GANC: variants seen among roughly 807,000 people sequenced by gnomAD.
The protein encoded by GANC is glucosidase alpha, neutral C.
In GANC, 117 loss-of-function variants were observed where a neutral mutation model predicts 124.2. The observed-to-expected ratio is 0.94, with a 90% CI of 0.81 to 1.10. The LOEUF (loss-of-function observed/expected upper bound fraction) is 1.10, where lower values mean the gene tolerates loss of function less well. Ranked by LOEUF, GANC falls within the 50% of genes least tolerant of loss-of-function variation. The probability of loss-of-function intolerance (pLI) is 0.00; values close to 1 mark genes in which losing one functional copy is unlikely to be tolerated. For synonymous variants in GANC, 377 were observed against 376.8 expected, an observed-to-expected ratio of 1.00 and a Z score of -0.01; for missense variants, 1,140 against 1,095.0, an observed-to-expected ratio of 1.04 and a Z score of -0.58.
rs1256531451 is a variant in GANC at position 42,353,071 on chromosome 15, T to G, written c.*932T>G. ...ATTAAAATTTAAAATAAAGACAGGATTAGTATTACTGAGTTTTCCTTTTGT... is the reference window on the plus strand; with the variant it reads ...ATTAAAATTTAAAATAAAGACAGGAGTAGTATTACTGAGTTTTCCTTTTGT... On this transcript the variant is annotated 3_prime_UTR_variant, in exon 24 of 24. Transcript: ENST00000318010. 1 of 938,478 alleles carries G rather than the reference T, an allele frequency of 1.1e-6. No individual in the cohort carries two copies. Among genetic ancestry groups the G allele is most frequent in the Non-Finnish European group, 1.3e-6 (1 of 787,008 alleles). The allele number at this position is 938,478 out of a possible 1,614,324, so 58.1% of individuals were successfully genotyped here. A position where few individuals can be genotyped will look rare whatever the true frequency, so the allele number is the denominator to read the frequency against.
rs774392950 is a variant in GANC at position 42,343,083 on chromosome 15, G to A, written c.2158G>A (p.Ala720Thr). The A allele has an allele frequency of 1.7e-5, 28 of 1,613,278 alleles. No individual in the cohort carries two copies. Among genetic ancestry groups the A allele is most frequent in the Non-Finnish European group, 2.1e-5 (25 of 1,179,306 alleles). Residue 720 changes from alanine (A) to threonine (T), a missense_variant, in exon 19 of 24, where the codon GCA becomes ACA. Coordinates refer to ENST00000318010, the MANE Select transcript of GANC (RefSeq NM_198141.3). ...DMEDEYMLGS[A>T]LLVHPVTEPK... ...ATTTCCTCTCCATTACTTAGGGAGT[G>A]CATTATTGGTTCATCCAGTCACAGA... is the stretch of plus-strand genomic sequence containing the variant.
chr15:42,345,860 A>G (rs769521366), intron 20 of GANC, 28 bp downstream of exon 20: 1 of 1,494,208 alleles, frequency 6.7e-7, no homozygotes, highest in Non-Finnish European at 9.3e-7. Context: ...TACTATTTTT[A>G]CCTATCATGC....
At chr15:42,326,185 A>G (rs1010961980) in intron 11 of GANC, 113 bp from the exon 12 acceptor site, 1 of 705,240 alleles carries the variant, frequency 1.4e-6, no homozygotes, top group Non-Finnish European at 2.5e-6. Flanking sequence ...ATATTTCAAT[A>G]CTAGTTGTAG....
intron 13 of GANC, among the ~76,000 whole-genome samples, chr15:42,328,465 C>G (rs2052213914): frequency 1.3e-5 from 2 of 151,210 alleles, no homozygotes; most frequent in African/African-American, 2.4e-5. Flanking sequence ...TCATTTACCC[C>G]CTTATACATA....
rs2051807206 is a variant in GANC, at chr15:42,287,960, G to T, written c.329+142G>T. The T allele has an allele frequency of 1.6e-5, 12 of 761,096 alleles. No homozygotes were observed. In the South Asian group the frequency reaches 2.8e-4, roughly 18 times the overall value. 47.1% of individuals were successfully genotyped at this position (761,096 alleles called of 1,614,324 possible). A position where few individuals can be genotyped will look rare whatever the true frequency, so the allele number is the denominator to read the frequency against. ...TTAGGTTGGTGTAAAAGTAATTGTGGTTTTTGCCATTACTTTTAATGTATT... is the reference window on the plus strand; with the variant it reads ...TTAGGTTGGTGTAAAAGTAATTGTGTTTTTTGCCATTACTTTTAATGTATT... On this transcript the variant is annotated intron_variant, in intron 4 of 23. Coordinates refer to ENST00000318010, the MANE Select transcript of GANC (RefSeq NM_198141.3).
At chr15:42,326,015 C>T (rs909671919) in intron 11 of GANC, among the ~76,000 whole-genome samples, 1 of 152,220 alleles carries the variant, frequency 6.6e-6, no homozygotes, top group Non-Finnish European at 1.5e-5. Context: ...ACCTTGGCCT[C>T]CCAATGTGTT....
At chr15:42,305,961 G>T (rs1444069668) in intron 6 of GANC, among the ~76,000 whole-genome samples, 2 of 151,610 alleles carry the variant, frequency 1.3e-5, no homozygotes, top group Non-Finnish European at 2.9e-5. Context: ...GGGGCTAGGG[G>T]AGAGATAGCA....
In GANC at chr15:42,287,578, T is replaced by G. The variant is rs891358177; in HGVS notation, c.202-113T>G. ...TTTTTTAATTGCCATTGTTCTCCAA[T>G]TTGCTTGGCCTATCATAATTGAAAC... On this transcript the variant is annotated intron_variant, in intron 3 of 23. Coordinates refer to ENST00000318010, the MANE Select transcript of GANC (RefSeq NM_198141.3). The G allele has an allele frequency of 7.2e-6, 8 of 1,105,354 alleles. No homozygotes were observed. The East Asian group carries it at 1.9e-4, about 26-fold the overall frequency. 68.5% of individuals were successfully genotyped at this position (1,105,354 alleles called of 1,614,324 possible).
chr15:42,274,289 T>TG lies in GANC; in HGVS notation c.-190dup, dbSNP rs2051628465. ...ATAAATCATTGTAGAAACGCTAGTTTGGGCCTGAAAAATTCCAGGAGCAAG... is the reference window on the plus strand; with the variant it reads ...ATAAATCATTGTAGAAACGCTAGTTTGGGGCCTGAAAAATTCCAGGAGCAAG... On this transcript the variant is annotated 5_prime_UTR_variant, in exon 1 of 24. Coordinates refer to ENST00000318010, the MANE Select transcript of GANC (RefSeq NM_198141.3). The TG allele has an allele frequency of 1.1e-5, 7 of 631,330 alleles. No individual in the cohort carries two copies. Among genetic ancestry groups the TG allele is most frequent in the Non-Finnish European group, 2.0e-5 (7 of 356,274 alleles). 39.1% of individuals were successfully genotyped at this position (631,330 alleles called of 1,614,324 possible). A position where few individuals can be genotyped will look rare whatever the true frequency, so the allele number is the denominator to read the frequency against.
rs1305117354 is a variant in GANC at position 42,352,556 on chromosome 15, T to C, written c.*417T>C. The C allele has an allele frequency of 2.0e-6, 2 of 1,021,536 alleles. No homozygotes were observed. Among genetic ancestry groups the C allele is most frequent in the African/African-American group, 3.4e-5 (2 of 58,722 alleles). 63.3% of individuals were successfully genotyped at this position (1,021,536 alleles called of 1,614,324 possible). On this transcript the variant is annotated 3_prime_UTR_variant, in exon 24 of 24. Transcript: ENST00000318010. ...CAGCAGCTGAGTTGCTCAAGGCCAG[T>C]GTCCAAGTGGACAGCAGCCTCTGGT...
chr15:42,292,712 T>C (rs754974412), intron 4 of GANC, 23 bp from the exon 5 acceptor site: 49 of 1,607,868 alleles, frequency 3.0e-5, no homozygotes, highest in Non-Finnish European at 3.7e-5. Flanking sequence ...AGCTTGTTTC[T>C]CTCTTCCTGT....
intron 10 of GANC, 141 bp from the exon 11 acceptor site, chr15:42,321,644 G>A: frequency 1.4e-6 from 1 of 727,476 alleles, no homozygotes; most frequent in Non-Finnish European, 2.3e-6. Flanking sequence ...TTCCTTAAAG[G>A]CAAGGACTGT....
chr15:42,294,071 G>A (rs968991553), intron 5 of GANC, among the ~76,000 whole-genome samples: 2 of 151,072 alleles, frequency 1.3e-5, no homozygotes, highest in Non-Finnish European at 1.5e-5. Flanking sequence ...AACAAAAAAC[G>A]CTTTTTTTTC....
chr15:42,341,851 A>C (rs1322082868), intron 18 of GANC, among the ~76,000 whole-genome samples: 2 of 152,160 alleles, frequency 1.3e-5, no homozygotes, highest in African/African-American at 2.4e-5. Flanking sequence ...GGTGTGAGCT[A>C]CCACGCCCAG....
At chr15:42,344,068 G>T (rs1329310793) in intron 19 of GANC, among the ~76,000 whole-genome samples, 1 of 152,234 alleles carries the variant, frequency 6.6e-6, no homozygotes, top group Non-Finnish European at 1.5e-5. Flanking sequence ...ACTGTCAGGT[G>T]CTGGGCTGGC....
In GANC at chr15:42,353,378, A is replaced by G; in HGVS notation, c.*1239A>G. 1.0e-6 allele frequency: 1 copy of G among 985,146 alleles called. No homozygotes were observed. The highest frequency in any genetic ancestry group is 1.2e-6 in the Non-Finnish European group (1 of 829,270). The allele number at this position is 985,146 out of a possible 1,614,324, so 61.0% of individuals were successfully genotyped here. ...GGCCCAACTTAAATCCCACTTTCCCATGAAGCCTAACTGCGTGAACACCCC... is the reference window on the plus strand; with the variant it reads ...GGCCCAACTTAAATCCCACTTTCCCGTGAAGCCTAACTGCGTGAACACCCC... On this transcript the variant is annotated 3_prime_UTR_variant, in exon 24 of 24. Transcript: ENST00000318010.
intron 21 of GANC, among the ~76,000 whole-genome samples, 174 bp downstream of exon 21, chr15:42,348,390 A>C (rs570017906): frequency 6.6e-6 from 1 of 152,196 alleles, no homozygotes; most frequent in Non-Finnish European, 1.5e-5. Context: ...AATTGTTCTT[A>C]AGGGAACCTT....
intron 3 of GANC, among the ~76,000 whole-genome samples, chr15:42,285,552 T>A (rs2051778936): frequency 6.6e-6 from 1 of 152,166 alleles, no homozygotes; most frequent in African/African-American, 2.4e-5. Flanking sequence ...CCCAGCACTC[T>A]GGGAGGCTGA....
chr15:42,274,889 C>A (rs986954917), intron 1 of GANC, among the ~76,000 whole-genome samples: 2 of 151,940 alleles, frequency 1.3e-5, no homozygotes, highest in South Asian at 2.1e-4. Context: ...CAAAGTGAGA[C>A]CCTGTCTCCA....
Sources: allele counts gnomAD v4.1 joint callset (sites outside exome capture counted in the v4.1 genomes callset), GRCh38; gene constraint gnomAD v4.1.1; transcripts MANE v1.5; gene names NCBI Gene and HGNC (gene_info 2026-07-23, HGNC 2026-07-21).